EHBP1: variants seen among roughly 807,000 people sequenced by gnomAD.
EHBP1 encodes EH domain binding protein 1.
Under a neutral mutation model 144.0 loss-of-function variants are expected in EHBP1, and 55 were observed. That is an observed-to-expected ratio of 0.38 (90% confidence interval 0.31 to 0.48). The LOEUF is 0.48. EHBP1 is among the 20% of genes least tolerant of loss of function. The probability of loss-of-function intolerance (pLI) is 0.98; values close to 1 mark genes in which losing one functional copy is unlikely to be tolerated. For missense variants in EHBP1, 1,200 were observed against 1,364.2 expected (o/e 0.88, Z 1.90); for synonymous variants, 469 against 472.7 (o/e 0.99, Z 0.10).
At chr2:62,979,905 AAATTTT>A (rs2058886296) in intron 15 of EHBP1, among the ~76,000 whole-genome samples, 1 of 152,198 alleles carries the variant, frequency 6.6e-6, no homozygotes. Flanking sequence ...AAATTAAAGA[AAATTTT>A]AATTTTAACT....
At chr2:62,893,335 C>CT (rs1050120735) in intron 10 of EHBP1, among the ~76,000 whole-genome samples, 1 of 151,896 alleles carries the variant, frequency 6.6e-6, no homozygotes, top group East Asian at 1.9e-4. Flanking sequence ...GTTCTCATAA[C>CT]TTTTTTTTAA....
chr2:62,761,034 G>T (rs4671050), intron 3 of EHBP1, among the ~76,000 whole-genome samples: 50,528 of 151,912 alleles, frequency 0.33, 8,424 homozygotes, highest in Middle Eastern at 0.43. Context: ...TGGGAAGCTT[G>T]AAGAGACCAG....
intron 9 of EHBP1, 134 bp downstream of exon 9, chr2:62,865,105 A>C: frequency 3.0e-6 from 3 of 998,368 alleles, no homozygotes; most frequent in South Asian, 1.7e-5. Context: ...CTCGTCCACT[A>C]TCTGAGTGTT....
At chr2:62,760,745 C>T (rs2040701992) in intron 3 of EHBP1, among the ~76,000 whole-genome samples, 1 of 152,176 alleles carries the variant, frequency 6.6e-6, no homozygotes, top group Non-Finnish European at 1.5e-5. Context: ...TAGAGCAGGG[C>T]ATGATATGGG....
intron 5 of EHBP1, among the ~76,000 whole-genome samples, chr2:62,781,909 T>A (rs1395345823): frequency 3.3e-5 from 5 of 152,242 alleles, no homozygotes; most frequent in Admixed American, 3.3e-4. Flanking sequence ...TGATATGTTT[T>A]GTTAGAGAAA....
intron 2 of EHBP1, among the ~76,000 whole-genome samples, chr2:62,736,359 G>A (rs1052522063): frequency 2.6e-5 from 4 of 151,646 alleles, no homozygotes; most frequent in African/African-American, 9.7e-5. Flanking sequence ...GAGTAGCTGG[G>A]ATTAGAGGTG....
intron 7 of EHBP1, among the ~76,000 whole-genome samples, chr2:62,848,457 A>G (rs186937647): frequency 5.3e-5 from 8 of 152,272 alleles, no homozygotes; most frequent in Non-Finnish European, 1.2e-4. Flanking sequence ...AAATGAAAAT[A>G]TATGTCTCCA....
chr2:62,929,983 A>G (rs1197098634), intron 10 of EHBP1, among the ~76,000 whole-genome samples: 1 of 152,226 alleles, frequency 6.6e-6, no homozygotes, highest in African/African-American at 2.4e-5. Flanking sequence ...ACAGAAGCTA[A>G]CACCTGTAAT....
chr2:62,791,104 C>G lies in EHBP1; in HGVS notation c.312+19712C>G, dbSNP rs75972598. Among the ~76,000 whole-genome samples, 898 of 151,898 alleles carry G rather than the reference C, an allele frequency of 5.9e-3. 7 individuals carry two copies. Among genetic ancestry groups the G allele is most frequent in the South Asian group, 0.011 (53 of 4,816 alleles). ...ACTAAGATATCATCTGGTAACTAGC[C>G]CAAAGTCATATTGCTAATGAGTGGT... On this transcript the variant is annotated intron_variant, in intron 5 of 22. Coordinates refer to ENST00000431489, the MANE Select transcript of EHBP1 (RefSeq NM_001142616.3).
chr2:62,918,858 C>T (rs926537319), intron 10 of EHBP1, among the ~76,000 whole-genome samples: 1 of 152,090 alleles, frequency 6.6e-6, no homozygotes, highest in African/African-American at 2.4e-5. Flanking sequence ...GTAGCAAGCA[C>T]CAGGAATCTC....
chr2:62,699,777 C>T (rs1363478076), intron 1 of EHBP1, among the ~76,000 whole-genome samples: 1 of 152,194 alleles, frequency 6.6e-6, no homozygotes, highest in East Asian at 1.9e-4. Context: ...TCTAGTCATT[C>T]ACTGTGTTGC....
At chr2:62,724,765 G>A (rs2036578887) in intron 2 of EHBP1, among the ~76,000 whole-genome samples, 1 of 152,068 alleles carries the variant, frequency 6.6e-6, no homozygotes, top group African/African-American at 2.4e-5. Flanking sequence ...GGTGAGTAGT[G>A]GGCAGGCAGG....
chr2:62,965,998 C>T (rs576287026), intron 14 of EHBP1, among the ~76,000 whole-genome samples: 1 of 152,198 alleles, frequency 6.6e-6, no homozygotes, highest in Admixed American at 6.5e-5. Flanking sequence ...TTTACAAATA[C>T]AAACAAGCCA....
At chr2:62,840,982 A>G (rs1363332770) in intron 7 of EHBP1, among the ~76,000 whole-genome samples, 4 of 152,190 alleles carry the variant, frequency 2.6e-5, no homozygotes, top group African/African-American at 9.7e-5. Context: ...CAGCCATCCC[A>G]TTACTGGGTA....
chr2:62,891,761 G>C (rs978521851), intron 10 of EHBP1, among the ~76,000 whole-genome samples: 14 of 152,022 alleles, frequency 9.2e-5, no homozygotes, highest in Non-Finnish European at 1.3e-4. Flanking sequence ...TAGCGAGGCC[G>C]TTTCACTAGG....
intron 10 of EHBP1, among the ~76,000 whole-genome samples, chr2:62,893,066 A>T (rs887093474): frequency 6.6e-6 from 1 of 152,306 alleles, no homozygotes; most frequent in South Asian, 2.1e-4. Context: ...TATTATTTTT[A>T]TCTGAATTTG....
chr2:62,688,789 A>G (rs1035932827), intron 1 of EHBP1, among the ~76,000 whole-genome samples: 3 of 152,222 alleles, frequency 2.0e-5, no homozygotes, highest in African/African-American at 7.2e-5. Flanking sequence ...AAAGCATAAG[A>G]AACCAAACAC....
chr2:62,823,717 A>T (rs945965248), intron 5 of EHBP1, among the ~76,000 whole-genome samples: 1 of 152,060 alleles, frequency 6.6e-6, no homozygotes, highest in Non-Finnish European at 1.5e-5. Context: ...ATTTTCTGAG[A>T]TAGCTAATTT....
intron 14 of EHBP1, among the ~76,000 whole-genome samples, chr2:62,978,243 C>CA (rs1366989137): frequency 6.6e-6 from 1 of 150,908 alleles, no homozygotes; most frequent in Non-Finnish European, 1.5e-5. Flanking sequence ...GCTCTGTCGC[C>CA]AGGCTGGAGT....
Sources: allele counts gnomAD v4.1 joint callset (sites outside exome capture counted in the v4.1 genomes callset), GRCh38; gene constraint gnomAD v4.1.1; transcripts MANE v1.5; gene names NCBI Gene and HGNC (gene_info 2026-07-23, HGNC 2026-07-21).